TTC28: variants seen among roughly 807,000 people sequenced by gnomAD.
The protein encoded by TTC28 is tetratricopeptide repeat domain 28.
In TTC28, 61 loss-of-function variants were observed where a neutral mutation model predicts 198.0. The observed-to-expected ratio is 0.31, with a 90% confidence interval of 0.25 to 0.38. TTC28 has a LOEUF of 0.38. Among genes scored for constraint, TTC28 ranks in the 10% least tolerant of loss-of-function variants. The pLI is 1.00. For missense variants in TTC28, 2,678 were observed against 3,164.0 expected, an observed-to-expected ratio of 0.85 and a Z score of 3.69; for synonymous variants, 1,171 against 1,297.8, an observed-to-expected ratio of 0.90 and a Z score of 2.10.
At position 28,533,394 on chromosome 22, in the gene TTC28, C is replaced by G. The variant is rs544178728; in HGVS notation, c.381+96158G>C. 1.1e-3 allele frequency among the ~76,000 whole-genome samples: 166 copies of G among 152,146 alleles called. 2 individuals carry two copies. The highest frequency in any genetic ancestry group is 1.0e-3 in the South Asian group (5 of 4,812). ...TCAAGGAGAACTACAAATGACCACT[C>G]AATGAAATAAAAGAGGACACAAACA... On this transcript the variant is annotated intron_variant, in intron 2 of 22. Transcript: ENST00000397906.
intron 2 of TTC28, among the ~76,000 whole-genome samples, chr22:28,559,435 A>T (rs1246616618): frequency 6.6e-6 from 1 of 152,152 alleles, no homozygotes; most frequent in African/African-American, 2.4e-5. Context: ...TAAACTTAAG[A>T]CCTATAACAT....
At chr22:28,457,314 C>T (rs1422077947) in intron 2 of TTC28, among the ~76,000 whole-genome samples, 3 of 152,212 alleles carry the variant, frequency 2.0e-5, no homozygotes, top group Admixed American at 2.0e-4. Context: ...ACAACCAGTG[C>T]ATAACCCTTT....
At chr22:28,092,624 G>C (rs770230039) in intron 12 of TTC28, among the ~76,000 whole-genome samples, 3 of 152,088 alleles carry the variant, frequency 2.0e-5, no homozygotes, top group Non-Finnish European at 4.4e-5. Flanking sequence ...CCTTTGGTCA[G>C]GTTATAGTCT....
intron 2 of TTC28, among the ~76,000 whole-genome samples, chr22:28,403,001 T>TTGTATAGATTCTATACAA (rs1472830018): frequency 6.6e-6 from 1 of 152,262 alleles, no homozygotes; most frequent in African/African-American, 2.4e-5. Context: ...CCTATCTAAC[T>TTGTATAGATTCTATACAA]TCTATACAAT....
intron 2 of TTC28, among the ~76,000 whole-genome samples, chr22:28,564,351 A>G (rs537947331): frequency 6.6e-6 from 1 of 152,310 alleles, no homozygotes; most frequent in Admixed American, 6.5e-5. Context: ...GGTTGAAATC[A>G]GATGTCAAAG....
intron 2 of TTC28, among the ~76,000 whole-genome samples, chr22:28,540,278 G>C (rs2049384426): frequency 6.6e-6 from 1 of 152,066 alleles, no homozygotes. Flanking sequence ...AGAAGGCAAA[G>C]TGGGAACAGG....
At chr22:28,099,651 G>GA (rs1182734854) in intron 9 of TTC28, among the ~76,000 whole-genome samples, 1 of 152,144 alleles carries the variant, frequency 6.6e-6, no homozygotes, top group Non-Finnish European at 1.5e-5. Context: ...TAAAAGACAG[G>GA]AATTAGAGAC....
chr22:28,064,496 C>T (rs1456271798), intron 12 of TTC28, among the ~76,000 whole-genome samples: 1 of 152,038 alleles, frequency 6.6e-6, no homozygotes, highest in Non-Finnish European at 1.5e-5. Flanking sequence ...AACCACTGGA[C>T]AGAAGAGCGC....
chr22:28,521,350 T>A (rs2048904461), intron 2 of TTC28, among the ~76,000 whole-genome samples: 1 of 151,978 alleles, frequency 6.6e-6, no homozygotes, highest in South Asian at 2.1e-4. Flanking sequence ...GAGGTTATGA[T>A]GAGCCGTGAC....
chr22:28,351,680 T>A (rs147000740), intron 2 of TTC28, among the ~76,000 whole-genome samples: 2 of 152,308 alleles, frequency 1.3e-5, no homozygotes, highest in South Asian at 4.1e-4. Context: ...CTGCCTGAGA[T>A]AGAAGAAGGC....
chr22:28,369,869 G>C (rs1271342594), intron 2 of TTC28, among the ~76,000 whole-genome samples: 1 of 152,126 alleles, frequency 6.6e-6, no homozygotes, highest in East Asian at 1.9e-4. Context: ...GTAGACATGA[G>C]ATGAAATCAT....
chr22:28,675,993 G>A (rs1406815989), intron 1 of TTC28, among the ~76,000 whole-genome samples: 1 of 152,006 alleles, frequency 6.6e-6, no homozygotes, highest in Non-Finnish European at 1.5e-5. Context: ...ATATGACCCA[G>A]ATAGTCTATT....
Position 28,107,475 on chromosome 22 carries a change from C to A in TTC28, c.2370G>T (p.Leu790Phe). The A allele has an allele frequency of 1.3e-6, 2 of 1,551,752 alleles. No individual in the cohort carries two copies. Among genetic ancestry groups the A allele is most frequent in the East Asian group, 2.4e-5 (1 of 40,922 alleles). Residue 790 changes from leucine (L) to phenylalanine (F), a missense_variant, in exon 7 of 23, where the codon TTG (leucine) becomes TTT (phenylalanine). Coordinates refer to ENST00000397906, the MANE Select transcript of TTC28 (RefSeq NM_001145418.2). ...GCCCATGAGCTCTGCACTCCCCTGG[C>A]AAGTCACTCAGCTCCTGATATACCT... is the stretch of plus-strand genomic sequence containing the variant. ...ELEVYQELSDLPGECRAHGHL... is the reference protein window; with the variant it reads ...ELEVYQELSDFPGECRAHGHL...
intron 6 of TTC28, among the ~76,000 whole-genome samples, chr22:28,116,633 G>T (rs973211785): frequency 6.6e-6 from 1 of 152,320 alleles, no homozygotes; most frequent in Admixed American, 6.5e-5. Flanking sequence ...AGTTAGCAAT[G>T]CAGGGAATGT....
At chr22:28,419,484 G>A (rs1402355412) in intron 2 of TTC28, among the ~76,000 whole-genome samples, 2 of 152,220 alleles carry the variant, frequency 1.3e-5, no homozygotes, top group South Asian at 2.1e-4. Context: ...AAAGTAGATG[G>A]TTCATTCATA....
intron 2 of TTC28, among the ~76,000 whole-genome samples, chr22:28,393,419 C>T (rs568616353): frequency 3.3e-5 from 5 of 152,154 alleles, no homozygotes; most frequent in Admixed American, 6.5e-5. Context: ...GGGCCAGATG[C>T]GGTGGCTCGT....
chr22:28,461,437 G>GC (rs2047948812), intron 2 of TTC28, among the ~76,000 whole-genome samples: 1 of 146,660 alleles, frequency 6.8e-6, no homozygotes, highest in East Asian at 2.0e-4. Context: ...TCTTTCTTCA[G>GC]TTTTTTTTTT....
intron 14 of TTC28, among the ~76,000 whole-genome samples, chr22:28,003,183 C>T (rs1271146589): frequency 2.6e-5 from 4 of 152,052 alleles, no homozygotes; most frequent in Non-Finnish European, 5.9e-5. Flanking sequence ...ATGGGCCACA[C>T]CTGAGCTCCC....
At chr22:28,101,342 A>T in intron 8 of TTC28, 62 bp from the exon 9 acceptor site, 1 of 1,314,804 alleles carries the variant, frequency 7.6e-7, no homozygotes, top group South Asian at 1.3e-5. Context: ...TATCCTAAGG[A>T]GTCCTGAAGG....
Sources: allele counts gnomAD v4.1 joint callset (sites outside exome capture counted in the v4.1 genomes callset), GRCh38; gene constraint gnomAD v4.1.1; transcripts MANE v1.5; gene names NCBI Gene and HGNC (gene_info 2026-07-23, HGNC 2026-07-21).